The following AHCYL2 variants were observed in gnomAD, a reference collection of about 807,000 sequenced individuals.
The protein encoded by AHCYL2 is S-adenosylhomocysteine hydrolase-like protein 2.
Under a neutral mutation model 81.4 loss-of-function variants are expected in AHCYL2, and 28 were observed. The ratio of observed to expected loss-of-function variants is 0.34; its 90% CI spans 0.25 to 0.47. The LOEUF (loss-of-function observed/expected upper bound fraction) is 0.47. Ranked by LOEUF, AHCYL2 falls within the 20% of genes least tolerant of loss-of-function variation. The pLI is 1.00. For synonymous variants in AHCYL2, 272 were observed against 290.2 expected (o/e 0.94, Z 0.64); for missense variants, 551 against 785.1 (o/e 0.70, Z 3.56).
At chr7:129,343,407 A>G (rs1348280236) in intron 1 of AHCYL2, among the ~76,000 whole-genome samples, 4 of 152,172 alleles carry the variant, frequency 2.6e-5, no homozygotes, top group Non-Finnish European at 5.9e-5. Context: ...TTTGTTAGCG[A>G]TATATGGACA....
At chr7:129,331,722 G>A (rs576324359) in intron 1 of AHCYL2, among the ~76,000 whole-genome samples, 1 of 152,030 alleles carries the variant, frequency 6.6e-6, no homozygotes, top group East Asian at 1.9e-4. Flanking sequence ...CACACCTGTA[G>A]TCCTAGCTAC....
intron 1 of AHCYL2, among the ~76,000 whole-genome samples, chr7:129,294,733 G>A (rs34026893): frequency 6.6e-6 from 1 of 152,164 alleles, no homozygotes; most frequent in Admixed American, 6.5e-5. Context: ...ATTAGTAGAC[G>A]TGTTAAGGAG....
intron 4 of AHCYL2, 123 bp downstream of exon 4, chr7:129,389,857 T>G: frequency 1.5e-6 from 1 of 686,400 alleles, no homozygotes; most frequent in Non-Finnish European, 2.3e-6. Flanking sequence ...TTAATCCTTA[T>G]AATGGCCATA....
chr7:129,323,995 C>A (rs10248733), intron 1 of AHCYL2, among the ~76,000 whole-genome samples: 21 of 151,552 alleles, frequency 1.4e-4, no homozygotes, highest in African/African-American at 4.4e-4. Flanking sequence ...CTCAGACTCT[C>A]GAGTAGCTGG....
Position 129,422,897 on chromosome 7 carries a change from G to A in AHCYL2, c.1519G>A (p.Val507Met). The change falls in exon 13 of 17, where the codon GTG (valine) becomes ATG (methionine). Residue 507 changes from valine to methionine, a missense_variant. By Grantham distance (21) the Val-to-Met change is conservative. Around this residue, in one of 2 missense-constraint regions of AHCYL2, gnomAD observed 316 missense variants for 543.1 expected, o/e 0.58. Coordinates refer to ENST00000325006, the MANE Select transcript of AHCYL2 (RefSeq NM_015328.4). ...WERVRSQVDH[V>M]IWPDGKRIVL... Reference sequence around the variant, plus strand: ...GCGAGTGAGATCTCAAGTTGACCATGTGATATGGCCTGATGGCAAGAGGAT... The same window carrying A: ...GCGAGTGAGATCTCAAGTTGACCATATGATATGGCCTGATGGCAAGAGGAT... 1 of 1,614,194 alleles carries A rather than the reference G, an allele frequency of 6.2e-7. No homozygotes were observed. Among genetic ancestry groups the A allele is most frequent in the Non-Finnish European group, 8.5e-7 (1 of 1,180,034 alleles).
chr7:129,335,278 C>T (rs913536088), intron 1 of AHCYL2, among the ~76,000 whole-genome samples: 6 of 151,272 alleles, frequency 4.0e-5, no homozygotes, highest in Non-Finnish European at 7.4e-5. Context: ...GAGGTTGAAG[C>T]AGGAAAATCA....
intron 1 of AHCYL2, among the ~76,000 whole-genome samples, chr7:129,371,258 TTC>T (rs1794397052): frequency 6.6e-6 from 1 of 152,232 alleles, no homozygotes. Context: ...CTCTCAAATC[TTC>T]TTTCAGGAGA....
rs182821750 is a variant in AHCYL2 at position 129,418,386 on chromosome 7, G to A, written c.1462-4454G>A. ...GCAATCTCGGCTCACTGCAACCTCC[G>A]CCTCTTTGGTTTAAGCAATTCTCTT... On this transcript the variant is annotated intron_variant, in intron 12 of 16. Coordinates refer to ENST00000325006, the MANE Select transcript of AHCYL2 (RefSeq NM_015328.4). Among the ~76,000 whole-genome samples the A allele has an allele frequency of 2.4e-3, 365 of 151,996 alleles. 1 individual carries two copies. The highest frequency in any genetic ancestry group is 8.3e-3 in the African/African-American group (344 of 41,446).
chr7:129,240,891 A>AT (rs974500970), intron 1 of AHCYL2, among the ~76,000 whole-genome samples: 9 of 151,248 alleles, frequency 6.0e-5, no homozygotes, highest in Non-Finnish European at 1.2e-4. Flanking sequence ...TGTAATTTTC[A>AT]TTTTTTTTTA....
chr7:129,241,453 T>C (rs1457009945), intron 1 of AHCYL2, among the ~76,000 whole-genome samples: 8 of 152,036 alleles, frequency 5.3e-5, no homozygotes, highest in Non-Finnish European at 1.2e-4. Context: ...TAGCCAGGTG[T>C]GGTGGTGTGC....
intron 1 of AHCYL2, among the ~76,000 whole-genome samples, chr7:129,269,901 A>T (rs1238001642): frequency 1.3e-5 from 2 of 152,192 alleles, no homozygotes; most frequent in Non-Finnish European, 2.9e-5. Context: ...TATATTCTTT[A>T]TTGATATTGT....
intron 2 of AHCYL2, 129 bp from the exon 3 acceptor site, chr7:129,388,927 G>A (rs1374357178): frequency 5.2e-6 from 5 of 959,560 alleles, no homozygotes; most frequent in Non-Finnish European, 7.6e-6. Flanking sequence ...ATAGCCTGCA[G>A]GTACTTAACA....
intron 1 of AHCYL2, among the ~76,000 whole-genome samples, chr7:129,253,908 A>C (rs1186864712): frequency 6.6e-6 from 1 of 152,250 alleles, no homozygotes; most frequent in Non-Finnish European, 1.5e-5. Flanking sequence ...AATGTAGTTT[A>C]TAATTATATC....
intron 1 of AHCYL2, among the ~76,000 whole-genome samples, chr7:129,280,177 A>ATTTTTTTTTTTT (rs1563179007): frequency 1.9e-4 from 3 of 15,428 alleles, no homozygotes; most frequent in East Asian, 3.1e-3. Context: ...TTTGCTAAAT[A>ATTTTTTTTTTTT]CTTTTTTTTT....
At chr7:129,299,965 A>G (rs1214175665) in intron 1 of AHCYL2, among the ~76,000 whole-genome samples, 1 of 152,164 alleles carries the variant, frequency 6.6e-6, no homozygotes, top group African/African-American at 2.4e-5. Context: ...AATTTTATAC[A>G]TACAGGAGAA....
intron 1 of AHCYL2, among the ~76,000 whole-genome samples, chr7:129,331,852 T>G (rs917875561): frequency 6.6e-6 from 1 of 150,896 alleles, no homozygotes; most frequent in Non-Finnish European, 1.5e-5. Context: ...AAAAAAAAAT[T>G]TTAATTTAAT....
In AHCYL2 at chr7:129,427,997, CT is replaced by C. The variant is rs1356156571; in HGVS notation, c.*954del. The C allele has an allele frequency of 6.6e-6, 1 of 152,184 alleles. No homozygotes were observed. Among genetic ancestry groups the C allele is most frequent in the Non-Finnish European group, 1.5e-5 (1 of 68,028 alleles). 9.4% of individuals were successfully genotyped at this position (152,184 alleles called of 1,614,324 possible). A position where few individuals can be genotyped will look rare whatever the true frequency, so the allele number is the denominator to read the frequency against. Reference sequence around the variant, plus strand: ...AGGGAAAGGCATACTTTTCCAGGGACTTAGGGGGATAGGCTTTGGAAATGGG... The same window carrying C: ...AGGGAAAGGCATACTTTTCCAGGGACTAGGGGGATAGGCTTTGGAAATGGG... On this transcript the variant is annotated 3_prime_UTR_variant, in exon 17 of 17. Transcript: ENST00000325006. This position sits in a 1 kb window ranked among gnomAD's most constrained non-coding sequence, Gnocchi z 5.5.
Position 129,225,376 on chromosome 7 carries a change from C to T in AHCYL2, c.300C>T (p.Asp100=), listed in dbSNP as rs932744161. 1.3e-6 allele frequency: 2 copies of T among 1,516,144 alleles called. No individual in the cohort carries two copies. Among genetic ancestry groups the T allele is most frequent in the African/African-American group, 1.4e-5 (1 of 70,244 alleles). The allele number at this position is 1,516,144 out of a possible 1,614,324, so 93.9% of individuals were successfully genotyped here. Residue 100 remains aspartate (D), a synonymous_variant, in exon 1 of 17, where the codon GAC becomes GAT. Transcript: ENST00000325006. Reference sequence around the variant, plus strand: ...ATCACCAGCACCAGCGGCACCGCGACGGCGGCGAGGCCCTGGTCAGCCCCG... The same window carrying T: ...ATCACCAGCACCAGCGGCACCGCGATGGCGGCGAGGCCCTGGTCAGCCCCG... ...DPHHQHQRHR[D]GGEALVSPDG... is the part of the protein sequence containing the mutation.
At chr7:129,345,551 G>A (rs1370168374) in intron 1 of AHCYL2, among the ~76,000 whole-genome samples, 1 of 152,134 alleles carries the variant, frequency 6.6e-6, no homozygotes, top group Non-Finnish European at 1.5e-5. Context: ...GTTTTGCCTG[G>A]CAAAAATAAT....
Sources: gnomAD v4.1 joint callset for allele counts (sites outside exome capture counted in the v4.1 genomes callset) on GRCh38, gnomAD v4.1.1 for gene constraint, gnomAD v4.1.1 regional missense constraint, Gnocchi (gnomAD v3.1) non-coding constraint, MANE v1.5 for transcripts, NCBI Gene and HGNC (gene_info 2026-07-23, HGNC 2026-07-21) for gene names.